Variants in PPARGC1A observed in about 807,000 individuals in gnomAD.
PPARGC1A encodes the protein peroxisome proliferator-activated receptor gamma coactivator 1-alpha.
Under a neutral mutation model 88.7 loss-of-function variants are expected in PPARGC1A, and 25 were observed. The observed-to-expected ratio is 0.28, with a 90% CI of 0.21 to 0.39. PPARGC1A has a LOEUF of 0.39. PPARGC1A is among the 10% of genes least tolerant of loss of function. The pLI is 1.00. For missense variants in PPARGC1A, 880 were observed against 968.7 expected, an observed-to-expected ratio of 0.91 and a Z score of 1.22; for synonymous variants, 363 against 355.6, an observed-to-expected ratio of 1.02 and a Z score of -0.24.
chr4:23,896,113 C>G (rs1718572000), intron 1 of PPARGC1A, among the ~76,000 whole-genome samples: 1 of 151,728 alleles, frequency 6.6e-6, no homozygotes, highest in Non-Finnish European at 1.5e-5. Flanking sequence ...AAACTATAAT[C>G]ATGAAAAGTT....
At chr4:24,271,632 CT>C in the PPARGC1A span, among the ~76,000 whole-genome samples, 1 of 152,160 alleles carries the variant, frequency 6.6e-6, no homozygotes, top group Non-Finnish European at 1.5e-5. Context: ...CCACCTCAGC[CT>C]CCCAAAGTGC....
chr4:24,029,978 T>C, the PPARGC1A span, among the ~76,000 whole-genome samples: 1 of 152,120 alleles, frequency 6.6e-6, no homozygotes, highest in Admixed American at 6.5e-5. Context: ...AGGGAACTCA[T>C]ATTTGGGAGA....
the PPARGC1A span, among the ~76,000 whole-genome samples, chr4:24,213,595 T>C: frequency 6.6e-6 from 1 of 152,202 alleles, no homozygotes; most frequent in African/African-American, 2.4e-5. Flanking sequence ...GCCTTTTTCC[T>C]GGAGCTGGAA....
the PPARGC1A span, among the ~76,000 whole-genome samples, chr4:24,200,459 T>A: frequency 6.6e-6 from 1 of 151,434 alleles, no homozygotes; most frequent in African/African-American, 2.4e-5. Context: ...TGCAGTGAGC[T>A]GAGATCGCAC....
the PPARGC1A span, among the ~76,000 whole-genome samples, chr4:24,307,285 C>A: frequency 8.5e-5 from 13 of 152,244 alleles, no homozygotes; most frequent in African/African-American, 2.9e-4. Context: ...GGGCAGCTCT[C>A]CCCCAAGTGA....
the PPARGC1A span, among the ~76,000 whole-genome samples, chr4:24,438,098 CA>C: frequency 6.6e-6 from 1 of 152,096 alleles, no homozygotes; most frequent in African/African-American, 2.4e-5. Flanking sequence ...AGGATTGGAC[CA>C]GGGGTCGCCA....
chr4:24,135,209 T>C, the PPARGC1A span, among the ~76,000 whole-genome samples: 1 of 152,228 alleles, frequency 6.6e-6, no homozygotes, highest in Admixed American at 6.5e-5. Context: ...GCACCACCAA[T>C]ATTTAAATGG....
At chr4:24,286,221 C>A in the PPARGC1A span, among the ~76,000 whole-genome samples, 4 of 152,238 alleles carry the variant, frequency 2.6e-5, no homozygotes, top group African/African-American at 9.6e-5. Flanking sequence ...GTCTTAAAGT[C>A]ATGATATGGC....
At chr4:24,387,407 C>T in the PPARGC1A span, among the ~76,000 whole-genome samples, 1 of 152,078 alleles carries the variant, frequency 6.6e-6, no homozygotes, top group African/African-American at 2.4e-5. Context: ...TGTAATTAAA[C>T]TAAAGAGCTT....
At chr4:24,263,076 T>C in the PPARGC1A span, among the ~76,000 whole-genome samples, 1 of 152,222 alleles carries the variant, frequency 6.6e-6, no homozygotes, top group East Asian at 1.9e-4. Context: ...TGAGGAAATT[T>C]TGGAAAAGAG....
chr4:23,998,401 G>A, the PPARGC1A span, among the ~76,000 whole-genome samples: 1 of 151,592 alleles, frequency 6.6e-6, no homozygotes, highest in Non-Finnish European at 1.5e-5. Context: ...CACTAGAAAA[G>A]TATGTATCAT....
At chr4:24,354,825 T>C in the PPARGC1A span, among the ~76,000 whole-genome samples, 9 of 152,058 alleles carry the variant, frequency 5.9e-5, no homozygotes, top group African/African-American at 1.9e-4. Flanking sequence ...AGGCGGAGCT[T>C]GTAGTGAGCC....
At chr4:23,939,642 C>T in the PPARGC1A span, among the ~76,000 whole-genome samples, 24,948 of 152,058 alleles carry the variant, frequency 0.16, 2,462 homozygotes, top group Admixed American at 0.3. Context: ...AACAGCTAAC[C>T]AAGAAATGCC....
At chr4:24,195,049 T>G in the PPARGC1A span, among the ~76,000 whole-genome samples, 1 of 152,182 alleles carries the variant, frequency 6.6e-6, no homozygotes, top group Admixed American at 6.5e-5. Flanking sequence ...TGAATATATA[T>G]CTGTATAGAT....
chr4:23,959,075 T>C, the PPARGC1A span, among the ~76,000 whole-genome samples: 1 of 151,546 alleles, frequency 6.6e-6, no homozygotes, highest in Non-Finnish European at 1.5e-5. Context: ...AACTGAATTC[T>C]ATGCTCAGTT....
the PPARGC1A span, among the ~76,000 whole-genome samples, chr4:24,015,865 A>G: frequency 1.3e-5 from 2 of 152,164 alleles, no homozygotes; most frequent in Non-Finnish European, 2.9e-5. Context: ...TCAAGAAGAC[A>G]CCATATATTA....
the PPARGC1A span, among the ~76,000 whole-genome samples, chr4:24,176,521 G>C: frequency 1.3e-5 from 2 of 152,098 alleles, no homozygotes; most frequent in Non-Finnish European, 2.9e-5. Flanking sequence ...AATGACAATA[G>C]GAAGGGATAT....
chr4:23,986,493 A>G, the PPARGC1A span, among the ~76,000 whole-genome samples: 1 of 152,116 alleles, frequency 6.6e-6, no homozygotes, highest in Non-Finnish European at 1.5e-5. Context: ...CAGCACTCTG[A>G]GACTTCTCAA....
the PPARGC1A span, among the ~76,000 whole-genome samples, chr4:24,124,007 C>T: frequency 1.3e-5 from 2 of 151,064 alleles, no homozygotes; most frequent in Non-Finnish European, 2.9e-5. Flanking sequence ...GGTGACAGGA[C>T]GGGGAGAGAT....
Sources: allele counts gnomAD v4.1 joint callset (sites outside exome capture counted in the v4.1 genomes callset), GRCh38; gene constraint gnomAD v4.1.1; transcripts MANE v1.5; gene names NCBI Gene and HGNC (gene_info 2026-07-23, HGNC 2026-07-21).